Variants in MBNL1 observed in about 807,000 individuals in gnomAD.
The protein encoded by MBNL1 is muscleblind like splicing regulator 1, also known as muscleblind-like protein 1.
A neutral mutation model predicts 42.2 loss-of-function variants in MBNL1; 8 were observed. The ratio of observed to expected loss-of-function variants is 0.19; its 90% CI spans 0.11 to 0.34. MBNL1 has a LOEUF of 0.34. Among genes scored for constraint, MBNL1 ranks in the 10% least tolerant of loss-of-function variants. The pLI is 1.00. For missense variants in MBNL1, 309 were observed against 495.3 expected (o/e 0.62, Z 3.57); for synonymous variants, 169 against 173.9 (o/e 0.97, Z 0.22).
At chr3:152,390,613 G>GCACACACACACACACA (rs3220073) in intron 2 of MBNL1, among the ~76,000 whole-genome samples, 70 of 147,246 alleles carry the variant, frequency 4.8e-4, no homozygotes, top group Non-Finnish European at 7.5e-4. Context: ...GTATTGTTAT[G>GCACACACACACACACA]CACACACACA....
chr3:152,276,502 C>G (rs1172656188), intron 1 of MBNL1, among the ~76,000 whole-genome samples: 2 of 152,138 alleles, frequency 1.3e-5, no homozygotes, highest in Non-Finnish European at 2.9e-5. Flanking sequence ...TTTAAAAATA[C>G]TTATTTTGGA....
At chr3:152,390,613 GCA>G (rs3220073) in intron 2 of MBNL1, among the ~76,000 whole-genome samples, 12,519 of 147,104 alleles carry the variant, frequency 0.085, 627 homozygotes, top group Middle Eastern at 0.18. Context: ...GTATTGTTAT[GCA>G]CACACACACA....
intron 8 of MBNL1, chr3:152,457,557 C>T (rs1220563012): frequency 6.6e-6 from 1 of 152,602 alleles, no homozygotes; most frequent in Non-Finnish European, 1.5e-5. Flanking sequence ...ACGTTTCAGT[C>T]AAGCTTTAAA....
intron 2 of MBNL1, among the ~76,000 whole-genome samples, chr3:152,326,625 A>G (rs2080303656): frequency 6.6e-6 from 1 of 152,034 alleles, no homozygotes; most frequent in Non-Finnish European, 1.5e-5. Context: ...GGTCAACTTC[A>G]AAACATAGTT....
chr3:152,419,528 G>C (rs928135757), intron 3 of MBNL1, among the ~76,000 whole-genome samples: 1 of 152,138 alleles, frequency 6.6e-6, no homozygotes, highest in African/African-American at 2.4e-5. Context: ...TGCTGTGACG[G>C]ATGGTGCTGT....
intron 2 of MBNL1, among the ~76,000 whole-genome samples, chr3:152,253,563 A>G (rs1429102239): frequency 6.6e-6 from 1 of 152,148 alleles, no homozygotes; most frequent in African/African-American, 2.4e-5. Context: ...TCTTATTTTA[A>G]TTAGGATAAA....
At chr3:152,408,335 T>C (rs575766252) in intron 2 of MBNL1, among the ~76,000 whole-genome samples, 1 of 152,168 alleles carries the variant, frequency 6.6e-6, no homozygotes, top group East Asian at 1.9e-4. Flanking sequence ...TAGAGACTTT[T>C]CAAAGAAAAA....
intron 4 of MBNL1, among the ~76,000 whole-genome samples, chr3:152,440,729 C>A (rs554644950): frequency 1.3e-5 from 2 of 152,266 alleles, no homozygotes; most frequent in Non-Finnish European, 1.5e-5. Flanking sequence ...ATGAGGATTA[C>A]AAAGTAGATA....
At chr3:152,432,204 T>C (rs1347731058) in intron 3 of MBNL1, among the ~76,000 whole-genome samples, 1 of 152,236 alleles carries the variant, frequency 6.6e-6, no homozygotes, top group African/African-American at 2.4e-5. Context: ...CCATGAGATT[T>C]ATTTACAGCT....
chr3:152,356,993 A>G (rs921331510), intron 2 of MBNL1, among the ~76,000 whole-genome samples: 5 of 152,150 alleles, frequency 3.3e-5, no homozygotes, highest in Middle Eastern at 3.4e-3. Flanking sequence ...CAGTCTGGGA[A>G]TGAGTAGACC....
intron 2 of MBNL1, among the ~76,000 whole-genome samples, chr3:152,399,872 T>A (rs931153819): frequency 1.4e-4 from 21 of 152,168 alleles, no homozygotes; most frequent in Non-Finnish European, 2.2e-4. Flanking sequence ...CCATCTCTAT[T>A]ATAGTAAAAT....
At chr3:152,462,065 TACA>T (rs1747107990) in intron 9 of MBNL1, among the ~76,000 whole-genome samples, 1 of 152,192 alleles carries the variant, frequency 6.6e-6, no homozygotes, top group African/African-American at 2.4e-5. Context: ...AATTTTGCCC[TACA>T]ACAATTGTGC....
At chr3:152,381,254 TG>T (rs1413624034) in intron 2 of MBNL1, among the ~76,000 whole-genome samples, 3 of 152,138 alleles carry the variant, frequency 2.0e-5, no homozygotes, top group African/African-American at 7.2e-5. Flanking sequence ...TATGGCTATA[TG>T]TAAAGGTAGC....
chr3:152,413,905 AAG>A (rs1227059606), intron 2 of MBNL1, among the ~76,000 whole-genome samples: 3 of 152,216 alleles, frequency 2.0e-5, no homozygotes, highest in Admixed American at 6.5e-5. Flanking sequence ...TTTTATTAAA[AAG>A]AATTATCCAA....
intron 1 of MBNL1, 175 bp from the exon 2 acceptor site, chr3:152,299,230 A>ATGGC (rs1185976196): frequency 6.5e-6 from 1 of 153,396 alleles, no homozygotes; most frequent in Non-Finnish European, 1.5e-5. Flanking sequence ...TAAATCTACG[A>ATGGC]TGGCTGGCTG....
chr3:152,355,165 G>C lies in MBNL1; in HGVS notation c.174+54798G>C, dbSNP rs1469475530. Among the ~76,000 whole-genome samples the C allele has an allele frequency of 4.6e-5, 7 of 152,244 alleles. No homozygotes were observed. The East Asian group carries it at 1.4e-3, about 29-fold the overall frequency. On this transcript the variant is annotated intron_variant, in intron 2 of 9. Transcript: ENST00000324210. ...AGTGAGATCCAGTCTCTGCCCAAAT[G>C]CCTGAGAGGCAAAATAGCAACATGA... is the stretch of plus-strand genomic sequence containing the variant.
intron 2 of MBNL1, among the ~76,000 whole-genome samples, chr3:152,321,911 G>C (rs1370204224): frequency 6.6e-6 from 1 of 151,900 alleles, no homozygotes; most frequent in Non-Finnish European, 1.5e-5. Context: ...TTGTTGTTAT[G>C]GTTGTTCTTT....
intron 4 of MBNL1, among the ~76,000 whole-genome samples, chr3:152,434,518 G>A (rs946083022): frequency 6.6e-6 from 1 of 151,964 alleles, no homozygotes; most frequent in Admixed American, 6.5e-5. Context: ...GAATACACGT[G>A]TGTGTCTTTA....
At chr3:152,248,828 T>C (rs1384688914) in intron 2 of MBNL1, among the ~76,000 whole-genome samples, 2 of 151,704 alleles carry the variant, frequency 1.3e-5, no homozygotes, top group Non-Finnish European at 2.9e-5. Context: ...CCATGTGTTC[T>C]CATTGTTCAA....
Sources: allele counts gnomAD v4.1 joint callset (sites outside exome capture counted in the v4.1 genomes callset), GRCh38; gene constraint gnomAD v4.1.1; transcripts MANE v1.5; gene names NCBI Gene and HGNC (gene_info 2026-07-23, HGNC 2026-07-21).